The following TEX264 variants were observed in gnomAD, a reference collection of about 807,000 sequenced individuals.
The protein encoded by TEX264 is testis-expressed protein 264.
TEX264 carries 13 observed loss-of-function variants against 23.4 expected under a neutral mutation model. That is an observed-to-expected ratio of 0.56 (90% confidence interval 0.36 to 0.88). The LOEUF is 0.88. Ranked by LOEUF, TEX264 falls within the 40% of genes least tolerant of loss-of-function variation. The pLI, the probability that TEX264 is intolerant of heterozygous loss-of-function variation, is 0.01. For missense variants in TEX264, 340 were observed against 406.8 expected, an observed-to-expected ratio of 0.84 and a Z score of 1.41; for synonymous variants, 159 against 170.0, an observed-to-expected ratio of 0.94 and a Z score of 0.50.
chr3:51,683,636 G>A (rs1702509133), intron 2 of TEX264: 1 of 152,280 alleles, frequency 6.6e-6, no homozygotes, highest in Non-Finnish European at 1.5e-5. Flanking sequence ...AGGCTCTGGT[G>A]ATGGTAGCTG....
At chr3:51,694,026 CCTTCCTTCCTTCCTTCCTT>C (rs1559680539) in intron 3 of TEX264, among the ~76,000 whole-genome samples, 112 of 143,032 alleles carry the variant, frequency 7.8e-4, no homozygotes, top group African/African-American at 2.8e-3. Context: ...TTCCTTCCTT[CCTTCCTTCCTTCCTTCCTT>C]CCTCCCTTCC....
chr3:51,687,319 G>A (rs552185648), intron 3 of TEX264, among the ~76,000 whole-genome samples: 38 of 152,350 alleles, frequency 2.5e-4, no homozygotes, highest in Non-Finnish European at 4.0e-4. Flanking sequence ...CAAAGCCAGG[G>A]GAGAGATGAG....
rs1703404342 is a variant in TEX264, at chr3:51,703,639, AGTG to A, written c.650-84_650-82del. 2 of 1,395,926 alleles carry A rather than the reference AGTG, an allele frequency of 1.4e-6. No homozygotes were observed. Among genetic ancestry groups the A allele is most frequent in the Non-Finnish European group, 2.0e-6 (2 of 1,025,344 alleles). The allele number at this position is 1,395,926 out of a possible 1,614,324, so 86.5% of individuals were successfully genotyped here. A position where few individuals can be genotyped will look rare whatever the true frequency, so the allele number is the denominator to read the frequency against. Reference sequence around the variant, plus strand: ...AGCCCGGGAGGCTGCATTATTCATGAGTGCACTGCGTGCTGAGTTGCCTCTCCC... The same window carrying A: ...AGCCCGGGAGGCTGCATTATTCATGACACTGCGTGCTGAGTTGCCTCTCCC... On this transcript the variant is annotated intron_variant, in intron 4 of 4. Transcript: ENST00000341333. The surrounding 1 kb of genome is among the most constrained non-coding windows in gnomAD (Gnocchi z 4.8).
In TEX264 at chr3:51,703,996, C is replaced by T. The variant is rs754224540; in HGVS notation, c.922C>T (p.Pro308Ser). 1.0e-4 allele frequency: 159 copies of T among 1,537,434 alleles called. No individual in the cohort carries two copies. The highest frequency in any genetic ancestry group is 1.4e-4 in the Non-Finnish European group (155 of 1,140,468). Residue 308 changes from proline (P) to serine (S), a missense_variant, in exon 5 of 5, where the codon CCT becomes TCT. Coordinates refer to ENST00000341333, the MANE Select transcript of TEX264 (RefSeq NM_015926.6). This position sits in a 1 kb window ranked among gnomAD's most constrained non-coding sequence, Gnocchi z 4.8. ...CAAGTGGCTCTGGGAGCCCACTGCC[C>T]CTGAGAAGGGCAAGGAGTAACCCAT... is the stretch of plus-strand genomic sequence containing the variant. The part of the protein sequence containing the change: ...TTKWLWEPTA[P>S]EKGKE
At chr3:51,671,863 G>A (rs1197905134) in intron 1 of TEX264, 1 of 152,334 alleles carries the variant, frequency 6.6e-6, no homozygotes, top group East Asian at 1.9e-4. Flanking sequence ...AGCGGCACCA[G>A]GAAGCTGGCT....
intron 3 of TEX264, 126 bp downstream of exon 3, chr3:51,684,760 A>T (rs1702555643): frequency 2.4e-6 from 2 of 847,154 alleles, no homozygotes; most frequent in Non-Finnish European, 3.7e-6. Flanking sequence ...GCCCTCATGG[A>T]ACAGGTACCT....
chr3:51,697,571 C>T (rs1392455501), intron 3 of TEX264, among the ~76,000 whole-genome samples: 1 of 152,246 alleles, frequency 6.6e-6, no homozygotes, highest in African/African-American at 2.4e-5. Context: ...GGATCCTTTT[C>T]TTTCATCTAG....
intron 2 of TEX264, among the ~76,000 whole-genome samples, chr3:51,677,937 C>T (rs755112489): frequency 7.2e-5 from 11 of 152,180 alleles, no homozygotes; most frequent in Non-Finnish European, 1.2e-4. Context: ...GGGAAGTGGA[C>T]AGACCCTGGC....
chr3:51,699,525 G>A lies in TEX264; in HGVS notation c.600G>A (p.Trp200Ter). ...TGCCTGAGATGAAGGAGACAGAGTG[G>A]AAATGGCGGGGGCTTGTGGAGGCCA... ...FYVPEMKETE[W>*]KWRGLVEAID... The change falls in exon 4 of 5, where the codon TGG becomes TGA. Residue 200 changes from tryptophan to a stop codon, truncating the protein, a stop_gained. Transcript: ENST00000341333. LOFTEE classifies it high-confidence loss of function. 1 of 1,614,102 alleles carries A rather than the reference G, an allele frequency of 6.2e-7. No individual in the cohort carries two copies. The highest frequency in any genetic ancestry group is 8.5e-7 in the Non-Finnish European group (1 of 1,179,948).
chr3:51,693,821 A>G (rs1702920625), intron 3 of TEX264, among the ~76,000 whole-genome samples: 1 of 152,114 alleles, frequency 6.6e-6, no homozygotes, highest in African/African-American at 2.4e-5. Flanking sequence ...GCACAGAAAA[A>G]TGGGCTGTGC....
At chr3:51,702,953 C>A (rs1006912345) in intron 4 of TEX264, among the ~76,000 whole-genome samples, 4 of 152,198 alleles carry the variant, frequency 2.6e-5, no homozygotes, top group Non-Finnish European at 5.9e-5. Context: ...TCTCATCATC[C>A]CCTTTTGCTA....
Position 51,679,991 on chromosome 3 carries a change from T to A in TEX264, c.259-4422T>A, listed in dbSNP as rs117919841. Among the ~76,000 whole-genome samples, 12 of 152,258 alleles carry A rather than the reference T, an allele frequency of 7.9e-5. No individual in the cohort carries two copies. In the East Asian group the frequency reaches 2.3e-3, roughly 29 times the overall value. Reference sequence around the variant, plus strand: ...ACCTAGGAGGGCAAACGAGGTCCCGTATCAACCACCTAGTCATGGGCCAGT... The same window carrying A: ...ACCTAGGAGGGCAAACGAGGTCCCGAATCAACCACCTAGTCATGGGCCAGT... On this transcript the variant is annotated intron_variant, in intron 2 of 4. Coordinates refer to ENST00000341333, the MANE Select transcript of TEX264 (RefSeq NM_015926.6).
chr3:51,693,435 G>A (rs893682440), intron 3 of TEX264, among the ~76,000 whole-genome samples: 1 of 150,038 alleles, frequency 6.7e-6, no homozygotes. Flanking sequence ...CCCTGGGCTC[G>A]ACCTAACCCC....
chr3:51,699,885 G>T (rs1463917284), intron 4 of TEX264, among the ~76,000 whole-genome samples: 1 of 152,148 alleles, frequency 6.6e-6, no homozygotes, highest in Non-Finnish European at 1.5e-5. Context: ...CAGACAGCTC[G>T]ATGTTCATGG....
rs148617571 is a variant in TEX264, at chr3:51,699,481, C to T, written c.556C>T (p.Arg186Trp). Reference protein sequence around the residue: ...DQIHFMCPLARQGDFYVPEMK... With the variant: ...DQIHFMCPLAWQGDFYVPEMK... ...GATCCATTTCATGTGCCCACTGGCA[C>T]GGCAGGGAGACTTCTATGTGCCTGA... Residue 186 changes from arginine to tryptophan, a missense_variant, in exon 4 of 5, where the codon CGG becomes TGG. Coordinates refer to ENST00000341333, the MANE Select transcript of TEX264 (RefSeq NM_015926.6). 3.2e-5 allele frequency: 51 copies of T among 1,613,962 alleles called. 1 individual carries two copies. The South Asian group carries it at 4.0e-4, about 13-fold the overall frequency.
chr3:51,674,403 G>C lies in TEX264; in HGVS notation c.99G>C (p.Gly33=). 1 of 1,614,224 alleles carries C rather than the reference G, an allele frequency of 6.2e-7. No individual in the cohort carries two copies. Among genetic ancestry groups the C allele is most frequent in the South Asian group, 1.1e-5 (1 of 91,088 alleles). ...AFAGYSGLLA[G]VEVSAGSPPI... ...CCGGGTACTCAGGGCTACTGGCTGG[G>C]GTGGAAGTGAGTGCTGGGTCACCCC... The change falls in exon 2 of 5, where the codon GGG becomes GGC. Residue 33 remains glycine, a synonymous_variant. Coordinates refer to ENST00000341333, the MANE Select transcript of TEX264 (RefSeq NM_015926.6).
rs1366333185 is a variant in TEX264, at chr3:51,703,744, A to C, written c.670A>C (p.Thr224Pro). The change falls in exon 5 of 5, where the codon ACG becomes CCG. Residue 224 changes from threonine to proline, a missense_variant. By Grantham distance (38) the Thr-to-Pro change is conservative. Transcript: ENST00000341333. This position sits in a 1 kb window ranked among gnomAD's most constrained non-coding sequence, Gnocchi z 4.8. ...DGTGADTMSDTSSVSLEVSPG... is the reference protein window; with the variant it reads ...DGTGADTMSDPSSVSLEVSPG... ...CATAGGAGCTGACACAATGAGTGAC[A>C]CGAGTTCTGTAAGCTTGGAAGTGAG... 1 of 1,593,746 alleles carries C rather than the reference A, an allele frequency of 6.3e-7. No homozygotes were observed. Among genetic ancestry groups the C allele is most frequent in the South Asian group, 1.1e-5 (1 of 89,904 alleles).
In TEX264 at chr3:51,703,497, C is replaced by A. The variant is rs1054486971; in HGVS notation, c.650-227C>A. On this transcript the variant is annotated intron_variant, in intron 4 of 4. Transcript: ENST00000341333. This position sits in a 1 kb window ranked among gnomAD's most constrained non-coding sequence, Gnocchi z 4.8. The stretch of plus-strand genomic sequence containing the variant: ...AGAGTGCACAGCTGCCTCCTCCCAC[C>A]CTCTCTCCCTCCCTCCCTCCTTCCC... Among the ~76,000 whole-genome samples the A allele has an allele frequency of 1.3e-5, 2 of 151,472 alleles. No homozygotes were observed. The highest frequency in any genetic ancestry group is 6.6e-5 in the Admixed American group (1 of 15,260).
At position 51,694,087 on chromosome 3, in the gene TEX264, C is replaced by CCTTT. The variant is rs1460385141; in HGVS notation, c.481-5316_481-5315insTCTT. On this transcript the variant is annotated intron_variant, in intron 3 of 4. Coordinates refer to ENST00000341333, the MANE Select transcript of TEX264 (RefSeq NM_015926.6). ...TTCCCTTCCCCTTCCTTCCGTCCGT[C>CCTTT]CTTCCTTCCTTCCTTCCTTCCTTCC... Among the ~76,000 whole-genome samples the CCTTT allele has an allele frequency of 5.4e-3, 247 of 45,474 alleles. 2 individuals are homozygous for CCTTT. Among genetic ancestry groups the CCTTT allele is most frequent in the Middle Eastern group, 9.8e-3 (1 of 102 alleles). 29.8% of individuals were successfully genotyped at this position (45,474 alleles called of 152,430 possible).
Sources: allele counts gnomAD v4.1 joint callset (sites outside exome capture counted in the v4.1 genomes callset), GRCh38; gene constraint gnomAD v4.1.1; non-coding constraint Gnocchi (gnomAD v3.1); transcripts MANE v1.5; gene names NCBI Gene and HGNC (gene_info 2026-07-23, HGNC 2026-07-21).